Variants in CTNNA1 observed in about 807,000 individuals in gnomAD.
CTNNA1 encodes catenin alpha 1, also known as catenin alpha-1.
Under a neutral mutation model 98.4 loss-of-function variants are expected in CTNNA1, and 37 were observed. The observed-to-expected ratio is 0.38, with a 90% CI of 0.29 to 0.49. CTNNA1 has a LOEUF of 0.49. Ranked by LOEUF, CTNNA1 falls within the 20% of genes least tolerant of loss-of-function variation. The probability of loss-of-function intolerance (pLI) is 0.95; values close to 1 mark genes in which losing one functional copy is unlikely to be tolerated. For missense variants in CTNNA1, 761 were observed against 1,147.2 expected (o/e 0.66, Z 4.86); for synonymous variants, 404 against 413.2 (o/e 0.98, Z 0.27).
chr5:138,809,543 C>G (rs145225536), intron 3 of CTNNA1, among the ~76,000 whole-genome samples: 1,826 of 152,252 alleles, frequency 0.012, 17 homozygotes, highest in Middle Eastern at 0.037. Context: ...AATGGCTGAG[C>G]TCTGTATTTT....
intron 7 of CTNNA1, chr5:138,871,223 A>G (rs1176228859): frequency 6.6e-6 from 1 of 152,240 alleles, no homozygotes; most frequent in Non-Finnish European, 1.5e-5. Context: ...TGGGGAAAAG[A>G]TAACTTGAAA....
At chr5:138,857,688 C>T (rs1438284351) in intron 7 of CTNNA1, among the ~76,000 whole-genome samples, 1 of 152,148 alleles carries the variant, frequency 6.6e-6, no homozygotes, top group Non-Finnish European at 1.5e-5. Flanking sequence ...ACCATCAAAG[C>T]ATGAAGCATG....
rs1229498646 is a variant in CTNNA1 at position 138,801,508 on chromosome 5, C to T, written c.302-8530C>T. On this transcript the variant is annotated intron_variant, in intron 3 of 17. Transcript: ENST00000302763. ...GAACAAAATCCACGTATAAATAAAC[C>T]CATGCAATTCAAACCCAAACTGTGT... Among the ~76,000 whole-genome samples the T allele has an allele frequency of 5.3e-5, 8 of 152,124 alleles. No individual in the cohort carries two copies. In the East Asian group the frequency reaches 1.5e-3, roughly 29 times the overall value.
At chr5:138,755,144 G>T (rs911514515) in intron 1 of CTNNA1, 3 of 152,208 alleles carry the variant, frequency 2.0e-5, no homozygotes, top group Non-Finnish European at 2.9e-5. Flanking sequence ...CACCCCAGGT[G>T]TAGTACAGAG....
intron 7 of CTNNA1, chr5:138,869,553 A>T (rs913418277): frequency 5.3e-5 from 8 of 152,210 alleles, no homozygotes; most frequent in Admixed American, 2.6e-4. Flanking sequence ...ACTTCAGAAA[A>T]AGAACAGGAC....
chr5:138,765,456 A>G (rs1752828194), intron 1 of CTNNA1, among the ~76,000 whole-genome samples: 1 of 152,150 alleles, frequency 6.6e-6, no homozygotes, highest in South Asian at 2.1e-4. Flanking sequence ...TGCTGGGATT[A>G]TAGGTGAGAG....
At chr5:138,815,106 GT>G (rs949972844) in intron 5 of CTNNA1, among the ~76,000 whole-genome samples, 1 of 151,690 alleles carries the variant, frequency 6.6e-6, no homozygotes, top group Non-Finnish European at 1.5e-5. Flanking sequence ...TACCTGAGTT[GT>G]TTTTTTTCTT....
intron 10 of CTNNA1, among the ~76,000 whole-genome samples, chr5:138,910,956 C>T (rs1172263059): frequency 6.6e-6 from 1 of 152,152 alleles, no homozygotes; most frequent in Non-Finnish European, 1.5e-5. Context: ...AACAAGATCT[C>T]GGCCATGCGC....
At chr5:138,760,726 C>T (rs1752262324) in intron 1 of CTNNA1, among the ~76,000 whole-genome samples, 1 of 152,140 alleles carries the variant, frequency 6.6e-6, no homozygotes. Context: ...TTTTTTATAG[C>T]TCTTAAAATT....
intron 9 of CTNNA1, 149 bp downstream of exon 9, chr5:138,887,791 C>A: frequency 1.6e-6 from 1 of 628,220 alleles, no homozygotes; most frequent in Non-Finnish European, 2.7e-6. Flanking sequence ...CACTTAACAT[C>A]TAAGGAAAAC....
intron 7 of CTNNA1, among the ~76,000 whole-genome samples, chr5:138,849,143 A>T (rs1364023457): frequency 6.6e-6 from 1 of 152,208 alleles, no homozygotes; most frequent in Admixed American, 6.5e-5. Flanking sequence ...TTTCTTGATT[A>T]TTCTTTCCTA....
chr5:138,822,492 C>T (rs1429748268), intron 5 of CTNNA1, among the ~76,000 whole-genome samples: 1 of 152,124 alleles, frequency 6.6e-6, no homozygotes, highest in African/African-American at 2.4e-5. Context: ...TTTTATAAAA[C>T]GGTAGACAAT....
At chr5:138,756,268 C>T (rs1272614772) in intron 1 of CTNNA1, among the ~76,000 whole-genome samples, 3 of 151,974 alleles carry the variant, frequency 2.0e-5, no homozygotes, top group Non-Finnish European at 2.9e-5. Context: ...AACTCCTGAC[C>T]TCGTGATCCA....
intron 1 of CTNNA1, among the ~76,000 whole-genome samples, chr5:138,758,662 A>G (rs1050113902): frequency 6.6e-6 from 1 of 152,234 alleles, no homozygotes; most frequent in Admixed American, 6.5e-5. Context: ...GGTGTGAGCC[A>G]CCACACCCGG....
intron 13 of CTNNA1, among the ~76,000 whole-genome samples, chr5:138,928,347 C>T (rs985087085): frequency 6.6e-6 from 1 of 152,072 alleles, no homozygotes; most frequent in African/African-American, 2.4e-5. Context: ...GTAATCAGTC[C>T]CTTGGGTATT....
chr5:138,765,947 CAA>C (rs1026779147), intron 1 of CTNNA1, among the ~76,000 whole-genome samples: 1,397 of 48,366 alleles, frequency 0.029, 6 homozygotes, highest in African/African-American at 0.087. Context: ...GACTCTGTCT[CAA>C]AAAAAAAAAA....
intron 9 of CTNNA1, among the ~76,000 whole-genome samples, chr5:138,893,912 G>A (rs927653841): frequency 3.4e-5 from 5 of 147,934 alleles, no homozygotes; most frequent in East Asian, 2.1e-4. Context: ...GTGAGCCACC[G>A]CGCCTGGCCT....
Position 138,892,328 on chromosome 5 carries a change from GTTTTTTTTTTTTTTT to G in CTNNA1, c.1296+4701_1296+4715del, listed in dbSNP as rs70982738. ...TGGAAAAAGAATATAAAATAGCTTA[GTTTTTTTTTTTTTTT>G]TTTTTTTTTTTTTTGAGACAGAGTC... is the stretch of plus-strand genomic sequence containing the variant. On this transcript the variant is annotated intron_variant, in intron 9 of 17. Coordinates refer to ENST00000302763, the MANE Select transcript of CTNNA1 (RefSeq NM_001903.5). 8.8e-5 allele frequency among the ~76,000 whole-genome samples: 7 copies of G among 79,250 alleles called. No homozygotes were observed. The East Asian group carries it at 3.2e-3, about 36-fold the overall frequency. 52.0% of individuals were successfully genotyped at this position (79,250 alleles called of 152,430 possible). A position where few individuals can be genotyped will look rare whatever the true frequency, so the allele number is the denominator to read the frequency against.
At chr5:138,757,704 C>T (rs1037898723) in intron 1 of CTNNA1, among the ~76,000 whole-genome samples, 1 of 152,144 alleles carries the variant, frequency 6.6e-6, no homozygotes, top group Admixed American at 6.6e-5. Context: ...GCCTTGTAAG[C>T]TCCTTGAAGG....
Sources: gnomAD v4.1 joint callset for allele counts (sites outside exome capture counted in the v4.1 genomes callset) on GRCh38, gnomAD v4.1.1 for gene constraint, MANE v1.5 for transcripts, NCBI Gene and HGNC (gene_info 2026-07-23, HGNC 2026-07-21) for gene names.